The following EOGT variants were observed in gnomAD, a reference collection of about 807,000 sequenced individuals.
EOGT encodes the protein EGF domain-specific O-linked N-acetylglucosamine transferase.
A neutral mutation model predicts 70.5 loss-of-function variants in EOGT; 55 were observed. That is an observed-to-expected ratio of 0.78 (90% CI 0.63 to 0.98). The LOEUF is 0.98. EOGT is among the 50% of genes least tolerant of loss of function. The probability of loss-of-function intolerance (pLI) is 0.00; values close to 1 mark genes in which losing one functional copy is unlikely to be tolerated. For synonymous variants in EOGT, 246 were observed against 217.1 expected, an observed-to-expected ratio of 1.13 and a Z score of -1.17; for missense variants, 703 against 641.9, an observed-to-expected ratio of 1.10 and a Z score of -1.03.
At chr3:68,998,268 T>C (rs1272243746) in intron 9 of EOGT, among the ~76,000 whole-genome samples, 154 bp from the exon 10 acceptor site, 1 of 152,236 alleles carries the variant, frequency 6.6e-6, no homozygotes, top group Non-Finnish European at 1.5e-5. Context: ...CATGAAATGA[T>C]CTAGATACAT....
At chr3:69,003,501 G>A (rs7629076) in intron 8 of EOGT, among the ~76,000 whole-genome samples, 4 of 152,132 alleles carry the variant, frequency 2.6e-5, no homozygotes, top group Non-Finnish European at 2.9e-5. Flanking sequence ...CATGTAAGAC[G>A]TGCCTTTGTT....
Position 68,977,366 on chromosome 3 carries a change from G to T in EOGT, c.*252C>A. 2.5e-6 allele frequency: 1 copy of T among 394,412 alleles called. No individual in the cohort carries two copies. Among genetic ancestry groups the T allele is most frequent in the East Asian group, 5.7e-5 (1 of 17,500 alleles). The allele number at this position is 394,412 out of a possible 1,614,324, so 24.4% of individuals were successfully genotyped here. ...AGAAAGAAAGTTAAAGTATACTGGG[G>T]AGTCCATGCTTAATTTTTGAACTAT... On this transcript the variant is annotated 3_prime_UTR_variant, in exon 18 of 18. Coordinates refer to ENST00000383701, the MANE Select transcript of EOGT (RefSeq NM_001278689.2).
rs1485079358 is a variant in EOGT at position 68,977,615 on chromosome 3, T to A, written c.*3A>T. 1 of 1,613,626 alleles carries A rather than the reference T, an allele frequency of 6.2e-7. No individual in the cohort carries two copies. The highest frequency in any genetic ancestry group is 2.2e-5 in the East Asian group (1 of 44,872). On this transcript the variant is annotated 3_prime_UTR_variant, in exon 18 of 18. Coordinates refer to ENST00000383701, the MANE Select transcript of EOGT (RefSeq NM_001278689.2). ...TCTCTTTTTGCAAACAGACTCAGCA[T>A]ATTTATAGCTCATCATGTTTCTTCT...
intron 15 of EOGT, among the ~76,000 whole-genome samples, chr3:68,980,823 A>G (rs1192065384): frequency 3.3e-5 from 5 of 152,240 alleles, no homozygotes; most frequent in African/African-American, 1.2e-4. Context: ...GCCTGTGGTC[A>G]GCACTCACCA....
chr3:69,009,933 C>CAACAAAAAAAAAAAAA, intron 3 of EOGT, 73 bp from the exon 4 acceptor site: 7 of 255,186 alleles, frequency 2.7e-5, no homozygotes, highest in South Asian at 9.5e-5. Flanking sequence ...ACAACAACAA[C>CAACAAAAAAAAAAAAA]AAAAAAAAAA....
At position 69,008,467 on chromosome 3, in the gene EOGT, C is replaced by T. The variant is rs879127692; in HGVS notation, c.272G>A (p.Arg91Lys). The T allele has an allele frequency of 6.2e-7, 1 of 1,614,100 alleles. No individual in the cohort carries two copies. The highest frequency in any genetic ancestry group is 8.5e-7 in the Non-Finnish European group (1 of 1,180,000). ...GYEKSCKPEF[R>K]FGYPVCSYVD... Reference sequence around the variant, plus strand: ...ATAGCTGCAAACTGGGTAACCAAACCTGAACTCTGGTTTGCAGGATTTCTC... The same window carrying T: ...ATAGCTGCAAACTGGGTAACCAAACTTGAACTCTGGTTTGCAGGATTTCTC... Residue 91 changes from arginine (R) to lysine (K), a missense_variant, in exon 5 of 18, where the codon AGG becomes AAG. Arg to Lys is a conservative substitution (Grantham distance 26, BLOSUM62 2). Coordinates refer to ENST00000383701, the MANE Select transcript of EOGT (RefSeq NM_001278689.2).
intron 4 of EOGT, 93 bp from the exon 5 acceptor site, chr3:69,008,621 A>C: frequency 1.2e-6 from 1 of 829,826 alleles, no homozygotes; most frequent in South Asian, 1.5e-5. Flanking sequence ...ATTATAGAGC[A>C]TTCACATTTA....
chr3:69,007,661 T>C (rs557069043), intron 6 of EOGT, 52 bp downstream of exon 6: 2 of 1,255,666 alleles, frequency 1.6e-6, no homozygotes, highest in South Asian at 2.6e-5. Flanking sequence ...CAAAAATAAA[T>C]AAAATTAAAA....
At chr3:69,011,202 T>TTTTTTTTTTC (rs1330274689) in intron 3 of EOGT, among the ~76,000 whole-genome samples, 5 of 149,480 alleles carry the variant, frequency 3.3e-5, no homozygotes, top group African/African-American at 1.2e-4. Context: ...TCTTTTTTTT[T>TTTTTTTTTTC]TTTTAAGTGC....
At chr3:68,994,496 A>T (rs6808141) in intron 10 of EOGT, among the ~76,000 whole-genome samples, 55,258 of 152,092 alleles carry the variant, frequency 0.36, 10,626 homozygotes, top group East Asian at 0.55. Flanking sequence ...TTTCATAATT[A>T]AAAAAGTAAT....
At chr3:69,000,488 A>G (rs951814071) in intron 9 of EOGT, among the ~76,000 whole-genome samples, 13 of 152,322 alleles carry the variant, frequency 8.5e-5, no homozygotes, top group African/African-American at 2.9e-4. Context: ...ACTCGCTTTT[A>G]TTTCAAAAAC....
At chr3:68,997,846 CAT>C (rs2091193017) in intron 10 of EOGT, among the ~76,000 whole-genome samples, 163 bp downstream of exon 10, 1 of 152,216 alleles carries the variant, frequency 6.6e-6, no homozygotes, top group Admixed American at 6.5e-5. Flanking sequence ...CGTATATGCA[CAT>C]GTCAACACAT....
At chr3:68,998,362 T>C (rs558720318) in intron 9 of EOGT, among the ~76,000 whole-genome samples, 16 of 152,324 alleles carry the variant, frequency 1.1e-4, no homozygotes, top group East Asian at 9.6e-4. Flanking sequence ...CATTTTCCCA[T>C]ATATCCCAAG....
At chr3:68,991,483 T>G (rs760017624) in intron 10 of EOGT, among the ~76,000 whole-genome samples, 1 of 151,780 alleles carries the variant, frequency 6.6e-6, no homozygotes. Context: ...GGGGGTGGAG[T>G]GGGAAATGAA....
chr3:68,990,036 T>C (rs569392774), intron 10 of EOGT, among the ~76,000 whole-genome samples: 19 of 152,250 alleles, frequency 1.2e-4, no homozygotes, highest in Admixed American at 1.1e-3. Flanking sequence ...TAATTTCCCA[T>C]TAATATTAAT....
At chr3:68,987,325 A>G (rs1156514952) in intron 14 of EOGT, 120 bp downstream of exon 14, 12 of 789,514 alleles carry the variant, frequency 1.5e-5, no homozygotes, top group Non-Finnish European at 2.3e-5. Flanking sequence ...ATAGGCCATC[A>G]AACTTTTCTC....
intron 17 of EOGT, 45 bp from the exon 18 acceptor site, chr3:68,977,809 A>C: frequency 6.4e-7 from 1 of 1,570,790 alleles, no homozygotes; most frequent in African/African-American, 1.4e-5. Flanking sequence ...CAATGAGGGC[A>C]TGGTTTTCTC....
chr3:69,002,063 GC>G (rs2091309043), intron 8 of EOGT, among the ~76,000 whole-genome samples: 1 of 152,072 alleles, frequency 6.6e-6, no homozygotes. Context: ...AGTGGCGAGC[GC>G]CTTTAGTCCC....
At chr3:68,984,830 G>C (rs1177194185) in intron 14 of EOGT, among the ~76,000 whole-genome samples, 2 of 152,118 alleles carry the variant, frequency 1.3e-5, no homozygotes, top group African/African-American at 4.8e-5. Context: ...TTGTTCCTCA[G>C]CCTGCCCCTT....
Sources: allele counts gnomAD v4.1 joint callset (sites outside exome capture counted in the v4.1 genomes callset), GRCh38; gene constraint gnomAD v4.1.1; transcripts MANE v1.5; gene names NCBI Gene and HGNC (gene_info 2026-07-23, HGNC 2026-07-21).